The following GULP1 variants were observed in gnomAD, a reference collection of about 807,000 sequenced individuals.
The protein encoded by GULP1 is PTB domain-containing engulfment adapter protein 1.
GULP1 carries 19 observed loss-of-function variants against 40.9 expected under a neutral mutation model. The observed-to-expected ratio is 0.46, with a 90% CI of 0.32 to 0.68. The LOEUF (loss-of-function observed/expected upper bound fraction) is 0.68. Among genes scored for constraint, GULP1 ranks in the 30% least tolerant of loss-of-function variants. The pLI is 0.03. For synonymous variants in GULP1, 119 were observed against 117.6 expected, an observed-to-expected ratio of 1.01 and a Z score of -0.08; for missense variants, 312 against 362.2, an observed-to-expected ratio of 0.86 and a Z score of 1.12.
At chr2:188,439,274 A>G (rs997225634) in intron 2 of GULP1, among the ~76,000 whole-genome samples, 6 of 151,626 alleles carry the variant, frequency 4.0e-5, no homozygotes, top group African/African-American at 1.5e-4. Context: ...GAAACCTTAA[A>G]GAACATTTTT....
At chr2:188,320,020 C>G (rs904228613) in intron 1 of GULP1, among the ~76,000 whole-genome samples, 5 of 152,042 alleles carry the variant, frequency 3.3e-5, no homozygotes, top group Non-Finnish European at 5.9e-5. Flanking sequence ...AGCAACATCC[C>G]TGGCCTCTAC....
intron 9 of GULP1, among the ~76,000 whole-genome samples, chr2:188,572,339 GAAT>G (rs1238146789): frequency 6.6e-6 from 1 of 152,124 alleles, no homozygotes; most frequent in African/African-American, 2.4e-5. Context: ...GTTTTAAAAT[GAAT>G]TAGCACTCCT....
intron 1 of GULP1, among the ~76,000 whole-genome samples, chr2:188,335,433 C>G (rs1332954680): frequency 6.6e-6 from 1 of 152,102 alleles, no homozygotes; most frequent in Admixed American, 6.6e-5. Context: ...CCTTTTAATC[C>G]TGGTTACCTC....
At chr2:188,521,385 C>T (rs1033239062) in intron 4 of GULP1, among the ~76,000 whole-genome samples, 1 of 152,130 alleles carries the variant, frequency 6.6e-6, no homozygotes, top group Non-Finnish European at 1.5e-5. Flanking sequence ...AACACACTTA[C>T]TGTATTAGTC....
intron 5 of GULP1, among the ~76,000 whole-genome samples, chr2:188,524,197 T>TCAACC (rs1685549629): frequency 6.6e-6 from 1 of 152,164 alleles, no homozygotes; most frequent in Non-Finnish European, 1.5e-5. Context: ...GTTTATTCAG[T>TCAACC]CAACCCAAAT....
At chr2:188,299,660 C>A (rs1574218114) in intron 1 of GULP1, among the ~76,000 whole-genome samples, 1 of 152,286 alleles carries the variant, frequency 6.6e-6, no homozygotes, top group South Asian at 2.1e-4. Context: ...GTGACAGAGA[C>A]CTCCTCTTAT....
chr2:188,508,174 A>G (rs2064127178), intron 4 of GULP1, among the ~76,000 whole-genome samples: 1 of 151,996 alleles, frequency 6.6e-6, no homozygotes, highest in African/African-American at 2.4e-5. Flanking sequence ...TAGAATCAGC[A>G]TACAGTAGGG....
At chr2:188,415,587 G>T (rs1381197766) in intron 2 of GULP1, among the ~76,000 whole-genome samples, 2 of 152,024 alleles carry the variant, frequency 1.3e-5, no homozygotes, top group Non-Finnish European at 2.9e-5. Flanking sequence ...CTGAAAAAAG[G>T]TATTGCAATA....
intron 1 of GULP1, among the ~76,000 whole-genome samples, chr2:188,325,033 A>C (rs555691207): frequency 6.6e-6 from 1 of 152,114 alleles, no homozygotes; most frequent in South Asian, 2.1e-4. Context: ...ATACACACAC[A>C]CCCACACCCA....
intron 1 of GULP1, among the ~76,000 whole-genome samples, chr2:188,303,773 T>C (rs2036553296): frequency 6.6e-6 from 1 of 152,192 alleles, no homozygotes; most frequent in African/African-American, 2.4e-5. Context: ...CTTGTGCATA[T>C]TAGTTTTTTT....
At chr2:188,525,324 G>A (rs962330830) in intron 5 of GULP1, among the ~76,000 whole-genome samples, 13 of 152,078 alleles carry the variant, frequency 8.5e-5, no homozygotes, top group Non-Finnish European at 1.6e-4. Context: ...CTGGGAAGCA[G>A]GGGTTGCAGT....
intron 1 of GULP1, among the ~76,000 whole-genome samples, chr2:188,370,350 ACTTGCT>A (rs1234841481): frequency 6.6e-6 from 1 of 152,050 alleles, no homozygotes; most frequent in Non-Finnish European, 1.5e-5. Context: ...TAGCACAGAA[ACTTGCT>A]CTTGGTTGAC....
chr2:188,297,519 C>G, intron 1 of GULP1: 2 of 481,074 alleles, frequency 4.2e-6, no homozygotes, highest in Non-Finnish European at 8.7e-6. Flanking sequence ...CCAGGAACAT[C>G]AAGGATCTTA....
intron 2 of GULP1, among the ~76,000 whole-genome samples, chr2:188,407,052 GC>G (rs2053218560): frequency 1.3e-5 from 2 of 152,150 alleles, no homozygotes; most frequent in African/African-American, 4.8e-5. Flanking sequence ...GAGGCCAGCA[GC>G]AAACTTCTCA....
At chr2:188,584,449 A>C (rs1162213268) in intron 10 of GULP1, 46 bp downstream of exon 10, 1 of 1,123,642 alleles carries the variant, frequency 8.9e-7, no homozygotes, top group African/African-American at 1.5e-5. Flanking sequence ...AGTTGCATAC[A>C]TTTTAAATAT....
intron 1 of GULP1, among the ~76,000 whole-genome samples, chr2:188,333,623 G>C (rs1421591759): frequency 6.6e-6 from 1 of 152,116 alleles, no homozygotes. Flanking sequence ...GTTAAAAGGA[G>C]AGTTCATTTT....
intron 1 of GULP1, chr2:188,297,566 C>T (rs1308584826): frequency 2.3e-6 from 1 of 430,830 alleles, no homozygotes; most frequent in Admixed American, 3.4e-5. Flanking sequence ...GTTTAAGATC[C>T]TTGAAGTTCC....
At chr2:188,376,999 C>A (rs1370636019) in intron 1 of GULP1, among the ~76,000 whole-genome samples, 1 of 151,964 alleles carries the variant, frequency 6.6e-6, no homozygotes, top group Non-Finnish European at 1.5e-5. Context: ...TAGTGAAAGC[C>A]CATCTCTACT....
At chr2:188,541,508 A>C (rs1690484555) in intron 7 of GULP1, 190 bp downstream of exon 7, 5 of 646,828 alleles carry the variant, frequency 7.7e-6, no homozygotes, top group Non-Finnish European at 1.4e-5. Context: ...TTTCATCTGT[A>C]ACTAAATTCT....
Sources: allele counts gnomAD v4.1 joint callset (sites outside exome capture counted in the v4.1 genomes callset), GRCh38; gene constraint gnomAD v4.1.1; transcripts MANE v1.5; gene names NCBI Gene and HGNC (gene_info 2026-07-23, HGNC 2026-07-21).